USP47: variants seen among roughly 807,000 people sequenced by gnomAD.
USP47 encodes ubiquitin carboxyl-terminal hydrolase 47.
USP47 carries 35 observed loss-of-function variants against 165.1 expected under a neutral mutation model. That is an observed-to-expected ratio of 0.21 (90% CI 0.16 to 0.28). USP47 has a LOEUF of 0.28. USP47 is among the 10% of genes least tolerant of loss of function. The probability of loss-of-function intolerance (pLI) is 1.00; values close to 1 mark genes in which losing one functional copy is unlikely to be tolerated. For missense variants in USP47, 1,277 were observed against 1,607.4 expected, an observed-to-expected ratio of 0.79 and a Z score of 3.52; for synonymous variants, 531 against 544.5, an observed-to-expected ratio of 0.98 and a Z score of 0.35.
chr11:11,950,592 T>C, intron 24 of USP47, 110 bp downstream of exon 24: 1 of 758,170 alleles, frequency 1.3e-6, no homozygotes, highest in Admixed American at 2.6e-5. Context: ...ATATACATTA[T>C]AGTGTTTTGT....
intron 1 of USP47, among the ~76,000 whole-genome samples, chr11:11,855,775 G>A (rs1215675019): frequency 6.6e-6 from 1 of 151,642 alleles, no homozygotes; most frequent in East Asian, 1.9e-4. Flanking sequence ...GATTTCCATG[G>A]CTCCTGATTT....
chr11:11,929,692 T>C, intron 12 of USP47, 127 bp downstream of exon 12: 3 of 1,355,418 alleles, frequency 2.2e-6, no homozygotes, highest in Non-Finnish European at 9.9e-7. Context: ...ATATCAAATC[T>C]GTCTTTAATT....
intron 1 of USP47, among the ~76,000 whole-genome samples, chr11:11,875,539 C>G (rs999062214): frequency 1.7e-4 from 26 of 152,266 alleles, no homozygotes; most frequent in African/African-American, 6.0e-4. Flanking sequence ...TGGAAGAAAA[C>G]TGTTTTCAGT....
chr11:11,925,139 G>A (rs552074084), intron 11 of USP47, among the ~76,000 whole-genome samples: 65 of 149,268 alleles, frequency 4.4e-4, no homozygotes, highest in African/African-American at 1.5e-3. Context: ...ACGGAGTCTC[G>A]CTCTGTCGCC....
intron 2 of USP47, among the ~76,000 whole-genome samples, chr11:11,882,902 A>G (rs1001378513): frequency 1.3e-5 from 2 of 152,194 alleles, no homozygotes; most frequent in African/African-American, 4.8e-5. Context: ...AAATAGCTGT[A>G]TGTCAGGATT....
chr11:11,916,116 T>A (rs1853399357), intron 8 of USP47, among the ~76,000 whole-genome samples: 1 of 152,192 alleles, frequency 6.6e-6, no homozygotes, highest in African/African-American at 2.4e-5. Flanking sequence ...ATGTAAGAAT[T>A]CTTTATATTC....
At chr11:11,929,694 T>C (rs773920025) in intron 12 of USP47, 129 bp downstream of exon 12, 87 of 1,352,456 alleles carry the variant, frequency 6.4e-5, no homozygotes, top group Admixed American at 1.5e-4. Flanking sequence ...ATCAAATCTG[T>C]CTTTAATTTT....
intron 1 of USP47, among the ~76,000 whole-genome samples, chr11:11,847,777 C>T (rs970616504): frequency 2.6e-5 from 4 of 152,172 alleles, no homozygotes; most frequent in African/African-American, 9.7e-5. Flanking sequence ...ACCATCCTCC[C>T]CACAACTGCC....
chr11:11,948,283 C>T (rs1019853566), intron 21 of USP47, 163 bp downstream of exon 21: 5 of 902,902 alleles, frequency 5.5e-6, no homozygotes, highest in Non-Finnish European at 8.2e-6. Context: ...TTTCTTCACT[C>T]ATCTAACAAA....
chr11:11,945,408 C>A (rs373286749), intron 20 of USP47, among the ~76,000 whole-genome samples: 1 of 152,276 alleles, frequency 6.6e-6, no homozygotes, highest in Middle Eastern at 3.4e-3. Flanking sequence ...GCACAGTATA[C>A]GCAGTTCACT....
chr11:11,881,121 A>C (rs1057233019), intron 2 of USP47, among the ~76,000 whole-genome samples: 5 of 151,920 alleles, frequency 3.3e-5, no homozygotes, highest in African/African-American at 1.2e-4. Context: ...GCTCATCTTT[A>C]TATTTGAGAA....
At chr11:11,923,999 T>C (rs1479768283) in intron 11 of USP47, among the ~76,000 whole-genome samples, 3 of 152,218 alleles carry the variant, frequency 2.0e-5, no homozygotes, top group African/African-American at 7.2e-5. Flanking sequence ...TCTGCATGCC[T>C]TTTTCTTGTC....
At chr11:11,935,587 C>T (rs559715426) in intron 16 of USP47, among the ~76,000 whole-genome samples, 1 of 151,976 alleles carries the variant, frequency 6.6e-6, no homozygotes, top group South Asian at 2.1e-4. Flanking sequence ...TACGCTGAGG[C>T]TTACAAGTCC....
chr11:11,899,667 A>G (rs1354681017), intron 5 of USP47, among the ~76,000 whole-genome samples: 1 of 152,170 alleles, frequency 6.6e-6, no homozygotes. Flanking sequence ...CAGTAAGAGC[A>G]TACAAGGCAT....
intron 14 of USP47, among the ~76,000 whole-genome samples, chr11:11,932,752 C>G (rs1854766449): frequency 6.6e-6 from 1 of 152,112 alleles, no homozygotes; most frequent in Admixed American, 6.6e-5. Flanking sequence ...TGGAGTTGTT[C>G]TGGAGCCAAG....
At chr11:11,893,504 A>G (rs1590321936) in intron 4 of USP47, among the ~76,000 whole-genome samples, 2 of 152,156 alleles carry the variant, frequency 1.3e-5, no homozygotes, top group Non-Finnish European at 1.5e-5. Flanking sequence ...TTGTAAGATC[A>G]TAGCTCACTG....
At chr11:11,867,464 CATTA>C (rs1849757044) in intron 1 of USP47, among the ~76,000 whole-genome samples, 1 of 152,028 alleles carries the variant, frequency 6.6e-6, no homozygotes. Flanking sequence ...ATATAGAGTT[CATTA>C]ATTCTTTTTT....
At chr11:11,935,463 C>G (rs938199842) in intron 16 of USP47, among the ~76,000 whole-genome samples, 1 of 150,268 alleles carries the variant, frequency 6.7e-6, no homozygotes, top group South Asian at 2.1e-4. Flanking sequence ...AGTAAAAGTT[C>G]GCAAATAAAA....
intron 7 of USP47, 56 bp downstream of exon 7, chr11:11,903,398 C>T (rs1852352029): frequency 1.3e-6 from 2 of 1,508,108 alleles, no homozygotes; most frequent in South Asian, 1.2e-5. Flanking sequence ...ACTTGTTACC[C>T]TAAATGACTT....
Sources: gnomAD v4.1 joint callset for allele counts (sites outside exome capture counted in the v4.1 genomes callset) on GRCh38, gnomAD v4.1.1 for gene constraint, MANE v1.5 for transcripts, NCBI Gene and HGNC (gene_info 2026-07-23, HGNC 2026-07-21) for gene names.